The following ABCA13 variants were observed in gnomAD, a reference collection of about 807,000 sequenced individuals.
ABCA13 encodes ATP binding cassette subfamily A member 13.
A neutral mutation model predicts 478.7 loss-of-function variants in ABCA13; 476 were observed. The observed-to-expected ratio is 0.99, with a 90% CI of 0.92 to 1.07. The LOEUF (loss-of-function observed/expected upper bound fraction) is 1.07. Among genes scored for constraint, ABCA13 ranks in the 50% least tolerant of loss-of-function variants. ABCA13 has a pLI of 0.00. For missense variants in ABCA13, 6,060 were observed against 5,910.6 expected (o/e 1.03, Z -0.83); for synonymous variants, 2,252 against 2,158.9 (o/e 1.04, Z -1.20).
At chr7:48,297,394 C>G in intron 22 of ABCA13, 83 bp downstream of exon 22, 1 of 1,322,516 alleles carries the variant, frequency 7.6e-7, no homozygotes, top group Non-Finnish European at 1.1e-6. Context: ...ATAAAACATA[C>G]AACAGAAAAT....
At chr7:48,311,641 AT>A (rs1801794286) in intron 24 of ABCA13, among the ~76,000 whole-genome samples, 1 of 152,198 alleles carries the variant, frequency 6.6e-6, no homozygotes, top group Non-Finnish European at 1.5e-5. Context: ...AGTGGGTTGG[AT>A]TCAGTCTCCC....
chr7:48,281,909 G>A (rs1402665529), intron 19 of ABCA13, among the ~76,000 whole-genome samples: 2 of 152,138 alleles, frequency 1.3e-5, no homozygotes, highest in African/African-American at 4.8e-5. Context: ...TAGAAACTGT[G>A]TCATAACCTT....
rs529158584 is a variant in ABCA13, at chr7:48,392,434, G to A, written c.11873+295G>A. 5.3e-5 allele frequency among the ~76,000 whole-genome samples: 8 copies of A among 152,250 alleles called. No individual in the cohort carries two copies. The South Asian group carries it at 1.7e-3, about 32-fold the overall frequency. On this transcript the variant is annotated intron_variant, in intron 38 of 61. Transcript: ENST00000435803. The stretch of plus-strand genomic sequence containing the variant: ...AAACTTTGTGTATCTGGAGTAAAAG[G>A]TCCCTAGGGGTGTCCTGAAATGAAA...
chr7:48,173,315 A>G (rs1462420713), intron 1 of ABCA13, among the ~76,000 whole-genome samples: 2 of 152,206 alleles, frequency 1.3e-5, no homozygotes, highest in Non-Finnish European at 2.9e-5. Context: ...TGTTACATGC[A>G]TGAGAGCAGG....
chr7:48,570,966 A>T (rs936528784), intron 55 of ABCA13, among the ~76,000 whole-genome samples: 1 of 151,882 alleles, frequency 6.6e-6, no homozygotes, highest in Admixed American at 6.6e-5. Flanking sequence ...TGCTATATAT[A>T]TTTTTGAGTT....
chr7:48,183,246 A>G (rs1431338117), intron 1 of ABCA13, among the ~76,000 whole-genome samples: 1 of 152,106 alleles, frequency 6.6e-6, no homozygotes, highest in Non-Finnish European at 1.5e-5. Context: ...TGTGGTTTTT[A>G]GTTGCAACCA....
chr7:48,188,315 T>C (rs1403660493), intron 1 of ABCA13, among the ~76,000 whole-genome samples: 2 of 152,224 alleles, frequency 1.3e-5, no homozygotes, highest in African/African-American at 4.8e-5. Context: ...TCCTGGAGGT[T>C]TCCTCGAGAG....
At chr7:48,539,707 C>G (rs1370540195) in intron 55 of ABCA13, among the ~76,000 whole-genome samples, 2 of 152,164 alleles carry the variant, frequency 1.3e-5, no homozygotes, top group Non-Finnish European at 2.9e-5. Flanking sequence ...ACATTCTCCT[C>G]TAGTCATTTC....
rs1363659487 is a variant in ABCA13, at chr7:48,273,436, T to A, written c.3770T>A (p.Leu1257His). Residue 1257 changes from leucine (L) to histidine (H), a missense_variant, in exon 17 of 62, where the codon CTT (leucine) becomes CAT (histidine). Around this residue, in one of 3 missense-constraint regions of ABCA13, gnomAD observed 4,423 missense variants for 4,309.1 expected, o/e 1.03. Coordinates refer to ENST00000435803, the MANE Select transcript of ABCA13 (RefSeq NM_152701.5). ...AACTTGGAGCAAGTGGAGAAATCCCTTTTCACCATGGAAGCTGCCCTGCAT... is the reference window on the plus strand; with the variant it reads ...AACTTGGAGCAAGTGGAGAAATCCCATTTCACCATGGAAGCTGCCCTGCAT... ...KLNLEQVEKS[L>H]FTMEAALHQL... The A allele has an allele frequency of 6.2e-7, 1 of 1,612,958 alleles. No individual in the cohort carries two copies. Among genetic ancestry groups the A allele is most frequent in the Non-Finnish European group, 8.5e-7 (1 of 1,179,486 alleles).
At chr7:48,600,682 T>C (rs1790797989) in intron 58 of ABCA13, among the ~76,000 whole-genome samples, 1 of 152,172 alleles carries the variant, frequency 6.6e-6, no homozygotes, top group African/African-American at 2.4e-5. Context: ...CCTCCCTTTT[T>C]CTTTGTGCTA....
intron 38 of ABCA13, among the ~76,000 whole-genome samples, chr7:48,395,238 C>T (rs866220316): frequency 1.3e-5 from 2 of 152,254 alleles, no homozygotes; most frequent in Middle Eastern, 6.8e-3. Flanking sequence ...TCTCCAGTTG[C>T]AGGTGGAGGA....
chr7:48,203,175 T>C (rs957068702), intron 3 of ABCA13, among the ~76,000 whole-genome samples: 19 of 152,264 alleles, frequency 1.2e-4, no homozygotes, highest in Non-Finnish European at 2.5e-4. Flanking sequence ...CCTCATTGCC[T>C]GGGGCCGGCA....
intron 7 of ABCA13, among the ~76,000 whole-genome samples, chr7:48,232,716 A>G (rs1789337955): frequency 6.6e-6 from 1 of 152,174 alleles, no homozygotes; most frequent in South Asian, 2.1e-4. Flanking sequence ...TTTTTGAGAA[A>G]GATTTTATAC....
Position 48,352,112 on chromosome 7 carries a change from C to G in ABCA13, c.10382-69C>G. The G allele has an allele frequency of 2.8e-6, 4 of 1,453,254 alleles. No individual in the cohort carries two copies. In the Admixed American group the frequency reaches 6.1e-5, roughly 22 times the overall value. 90.0% of individuals were successfully genotyped at this position (1,453,254 alleles called of 1,614,324 possible). On this transcript the variant is annotated intron_variant, in intron 30 of 61. Transcript: ENST00000435803. ...CTCCTGCAACTTTTCCTGTCTCACCCAGTGTAGGCGTGGTTTGAGCCACTC... is the reference window on the plus strand; with the variant it reads ...CTCCTGCAACTTTTCCTGTCTCACCGAGTGTAGGCGTGGTTTGAGCCACTC...
At position 48,392,007 on chromosome 7, in the gene ABCA13, G is replaced by C; in HGVS notation, c.11741G>C (p.Arg3914Thr). ...KNLQTDLSRV[R>T]MELGVCPQQD... ...CTACAGACAGACCTGTCGAGGGTCA[G>C]AATGGAGCTTGGTGTGTGTCCGCAG... Residue 3914 changes from arginine (R) to threonine (T), a missense_variant, in exon 38 of 62, where the codon AGA becomes ACA. Coordinates refer to ENST00000435803, the MANE Select transcript of ABCA13 (RefSeq NM_152701.5). 6.2e-7 allele frequency: 1 copy of C among 1,614,024 alleles called. No individual in the cohort carries two copies. The highest frequency in any genetic ancestry group is 8.5e-7 in the Non-Finnish European group (1 of 1,179,886).
At chr7:48,469,449 T>C (rs1248923871) in intron 44 of ABCA13, among the ~76,000 whole-genome samples, 1 of 152,208 alleles carries the variant, frequency 6.6e-6, no homozygotes, top group East Asian at 1.9e-4. Context: ...CCACTCTTAC[T>C]GACTGTGTGA....
Position 48,470,549 on chromosome 7 carries a change from C to G in ABCA13, c.12906-981C>G, listed in dbSNP as rs149480045. Among the ~76,000 whole-genome samples, 14 of 152,332 alleles carry G rather than the reference C, an allele frequency of 9.2e-5. No homozygotes were observed. In the East Asian group the frequency reaches 2.7e-3, roughly 29 times the overall value. On this transcript the variant is annotated intron_variant, in intron 44 of 61. Transcript: ENST00000435803. ...TCCATGTAAACTCTTAAGTTTCAAA[C>G]TGGAGTCCCTATAAGCTAGTCAGCC... is the stretch of plus-strand genomic sequence containing the variant.
At chr7:48,289,427 C>T (rs1309651934) in intron 20 of ABCA13, among the ~76,000 whole-genome samples, 2 of 148,996 alleles carry the variant, frequency 1.3e-5, no homozygotes, top group African/African-American at 5.0e-5. Flanking sequence ...GGTGCAATCT[C>T]GGCTCACTGC....
chr7:48,526,981 T>C (rs1303051631), intron 54 of ABCA13, among the ~76,000 whole-genome samples: 1 of 152,152 alleles, frequency 6.6e-6, no homozygotes, highest in Admixed American at 6.6e-5. Context: ...AATTTCATTT[T>C]TGTATATATT....
Sources: gnomAD v4.1 joint callset for allele counts (sites outside exome capture counted in the v4.1 genomes callset) on GRCh38, gnomAD v4.1.1 for gene constraint, gnomAD v4.1.1 regional missense constraint, MANE v1.5 for transcripts, NCBI Gene and HGNC (gene_info 2026-07-23, HGNC 2026-07-21) for gene names.